Variants in TRPC4 observed in about 807,000 individuals in gnomAD.
The protein encoded by TRPC4 is transient receptor potential cation channel subfamily C member 4, also known as short transient receptor potential channel 4.
In TRPC4, 49 loss-of-function variants were observed where a neutral mutation model predicts 99.4. The ratio of observed to expected loss-of-function variants is 0.49; its 90% confidence interval spans 0.39 to 0.63. The LOEUF (loss-of-function observed/expected upper bound fraction) is 0.63, where lower values mean the gene tolerates loss of function less well. TRPC4 is among the 20% of genes least tolerant of loss of function. The pLI, the probability that TRPC4 is intolerant of heterozygous loss-of-function variation, is 0.00. For synonymous variants in TRPC4, 454 were observed against 425.9 expected (o/e 1.07, Z -0.81); for missense variants, 898 against 1,152.9 (o/e 0.78, Z 3.20).
At chr13:37,745,379 A>C (rs1955708711) in intron 3 of TRPC4, among the ~76,000 whole-genome samples, 1 of 148,352 alleles carries the variant, frequency 6.7e-6, no homozygotes, top group African/African-American at 2.5e-5. Context: ...ATTTGGTTGA[A>C]TCCAAGGATG....
At position 37,632,818 on chromosome 13, in the gene TRPC4, A is replaced by G. The variant is rs1034919681; in HGVS notation, c.*4085T>C. Among the ~76,000 whole-genome samples the G allele has an allele frequency of 5.3e-5, 8 of 152,218 alleles. No individual in the cohort carries two copies. Among genetic ancestry groups the G allele is most frequent in the African/African-American group, 9.6e-5 (4 of 41,472 alleles). On this transcript the variant is annotated 3_prime_UTR_variant, in exon 11 of 11. Coordinates refer to ENST00000379705, the MANE Select transcript of TRPC4 (RefSeq NM_016179.4). Reference sequence around the variant, plus strand: ...GCTTTTTAAAAATTCTCTTAACACAACTTTGTAGAAAAACAAAAGATAATA... The same window carrying G: ...GCTTTTTAAAAATTCTCTTAACACAGCTTTGTAGAAAAACAAAAGATAATA...
chr13:37,657,431 A>G (rs373036632), intron 6 of TRPC4, among the ~76,000 whole-genome samples: 2 of 152,248 alleles, frequency 1.3e-5, no homozygotes, highest in East Asian at 1.9e-4. Flanking sequence ...TGAATTCTTT[A>G]TTTTTAGTAA....
At chr13:37,645,584 A>G (rs1377825226) in intron 8 of TRPC4, among the ~76,000 whole-genome samples, 1 of 152,184 alleles carries the variant, frequency 6.6e-6, no homozygotes, top group African/African-American at 2.4e-5. Context: ...TAAGCCATGC[A>G]GCTTGCTGTG....
chr13:37,685,821 T>C (rs1478161671), intron 4 of TRPC4, among the ~76,000 whole-genome samples: 1 of 152,134 alleles, frequency 6.6e-6, no homozygotes, highest in African/African-American at 2.4e-5. Context: ...TCAGCATTAA[T>C]AGGGGCACAC....
intron 1 of TRPC4, among the ~76,000 whole-genome samples, chr13:37,809,931 G>T (rs1957628497): frequency 6.6e-6 from 1 of 152,100 alleles, no homozygotes; most frequent in African/African-American, 2.4e-5. Flanking sequence ...CTGAGCAAGG[G>T]CTTCTAGATT....
Position 37,651,257 on chromosome 13 carries a change from G to T in TRPC4, c.2079+8C>A. ...AAAAAGAGTAATACTAACATGCTGTGTTCTTACCCCTATTGTTCCAAAACT... is the reference window on the plus strand; with the variant it reads ...AAAAAGAGTAATACTAACATGCTGTTTTCTTACCCCTATTGTTCCAAAACT... On this transcript the variant is annotated splice_region_variant and intron_variant, in intron 8 of 10. Transcript: ENST00000379705. The T allele has an allele frequency of 6.2e-7, 1 of 1,613,962 alleles. No individual in the cohort carries two copies. Among genetic ancestry groups the T allele is most frequent in the Non-Finnish European group, 8.5e-7 (1 of 1,179,866 alleles).
chr13:37,762,708 G>T (rs1956255634), intron 2 of TRPC4, among the ~76,000 whole-genome samples: 1 of 122,848 alleles, frequency 8.1e-6, no homozygotes, highest in South Asian at 2.9e-4. Context: ...CACACTCTGG[G>T]GACTGTTGTG....
chr13:37,776,043 T>G (rs1329521072), intron 2 of TRPC4, among the ~76,000 whole-genome samples: 1 of 151,846 alleles, frequency 6.6e-6, no homozygotes, highest in Non-Finnish European at 1.5e-5. Flanking sequence ...CACTTTATCA[T>G]ACTAATAGTG....
rs1566139171 is a variant in TRPC4, at chr13:37,745,959, G to A, written c.875C>T (p.Ala292Val). The A allele has an allele frequency of 1.2e-6, 2 of 1,612,882 alleles. No homozygotes were observed. The highest frequency in any genetic ancestry group is 1.7e-6 in the Non-Finnish European group (2 of 1,179,228). ...CACCTCTTTTTGACGGTACTTAATG[G>A]CCAATTTTAGTCTTGCAAGATCATT... is the stretch of plus-strand genomic sequence containing the variant. Reference protein sequence around the residue: ...SGNDLARLKLAIKYRQKEFVA... With the variant: ...SGNDLARLKLVIKYRQKEFVA... The change falls in exon 3 of 11, where the codon GCC becomes GTC. Residue 292 changes from alanine (A) to valine (V), a missense_variant. Ala to Val is a moderately conservative substitution (Grantham distance 64, BLOSUM62 0). Coordinates refer to ENST00000379705, the MANE Select transcript of TRPC4 (RefSeq NM_016179.4).
At chr13:37,691,319 T>C (rs1022356408) in intron 4 of TRPC4, among the ~76,000 whole-genome samples, 1 of 152,146 alleles carries the variant, frequency 6.6e-6, no homozygotes, top group Non-Finnish European at 1.5e-5. Context: ...TTAGCTAGGA[T>C]GGCTACGATC....
chr13:37,803,286 G>A (rs1390776946), intron 1 of TRPC4, among the ~76,000 whole-genome samples: 2 of 151,964 alleles, frequency 1.3e-5, no homozygotes, highest in African/African-American at 4.8e-5. Flanking sequence ...AATGAAGCAT[G>A]GTGTTTAGGA....
chr13:37,859,481 T>C (rs565969259), intron 1 of TRPC4, among the ~76,000 whole-genome samples: 2 of 151,132 alleles, frequency 1.3e-5, no homozygotes, highest in Non-Finnish European at 3.0e-5. Flanking sequence ...AGAGAAAACA[T>C]AAAAACAGCA....
chr13:37,861,239 GT>G (rs1959298037), intron 1 of TRPC4, among the ~76,000 whole-genome samples: 1 of 151,400 alleles, frequency 6.6e-6, no homozygotes, highest in Non-Finnish European at 1.5e-5. Context: ...CAATTGGGTT[GT>G]ATATTTACTT....
rs1005374285 is a variant in TRPC4 at position 37,656,871 on chromosome 13, C to T, written c.1689-1588G>A. Reference sequence around the variant, plus strand: ...GTAACAATCCCATGGCCCAGCACTACGTCAACTCCGGCTCTTCCCAAAGCT... The same window carrying T: ...GTAACAATCCCATGGCCCAGCACTATGTCAACTCCGGCTCTTCCCAAAGCT... On this transcript the variant is annotated intron_variant, in intron 6 of 10. Transcript: ENST00000379705. Among the ~76,000 whole-genome samples, 3 of 152,156 alleles carry T rather than the reference C, an allele frequency of 2.0e-5. No homozygotes were observed. The South Asian group carries it at 6.2e-4, about 31-fold the overall frequency.
At chr13:37,681,405 A>G (rs1013225216) in intron 4 of TRPC4, among the ~76,000 whole-genome samples, 4 of 152,154 alleles carry the variant, frequency 2.6e-5, no homozygotes, top group African/African-American at 9.7e-5. Flanking sequence ...TGAGCTATAG[A>G]TAAGATTGCC....
chr13:37,840,492 C>G (rs920403092), intron 1 of TRPC4, among the ~76,000 whole-genome samples: 4 of 151,818 alleles, frequency 2.6e-5, no homozygotes, highest in Non-Finnish European at 5.9e-5. Context: ...TCACTTATAC[C>G]ATCCCTTCTC....
At chr13:37,734,159 A>G (rs887498644) in intron 3 of TRPC4, among the ~76,000 whole-genome samples, 2 of 152,162 alleles carry the variant, frequency 1.3e-5, no homozygotes, top group African/African-American at 4.8e-5. Context: ...ACCTTTTCTA[A>G]CTTCTTTGTC....
intron 1 of TRPC4, among the ~76,000 whole-genome samples, chr13:37,826,905 T>C (rs1958239645): frequency 6.6e-6 from 1 of 152,302 alleles, no homozygotes; most frequent in South Asian, 2.1e-4. Flanking sequence ...CACTTTCAGG[T>C]ACACCAATCA....
chr13:37,821,328 T>C (rs543879974), intron 1 of TRPC4, among the ~76,000 whole-genome samples: 75 of 151,870 alleles, frequency 4.9e-4, no homozygotes, highest in African/African-American at 1.6e-3. Context: ...CACAAATGAA[T>C]GGAAAAATAG....
Sources: allele counts gnomAD v4.1 joint callset (sites outside exome capture counted in the v4.1 genomes callset), GRCh38; gene constraint gnomAD v4.1.1; transcripts MANE v1.5; gene names NCBI Gene and HGNC (gene_info 2026-07-23, HGNC 2026-07-21).